The following C4orf51 variants were observed in gnomAD, a reference collection of about 807,000 sequenced individuals.
C4orf51 encodes the protein uncharacterized protein C4orf51.
Under a neutral mutation model 25.2 loss-of-function variants are expected in C4orf51, and 25 were observed. That is an observed-to-expected ratio of 0.99 (90% CI 0.72 to 1.39). The LOEUF is 1.39. Among genes scored for constraint, C4orf51 ranks in the 40% most tolerant of loss-of-function variants. The pLI is 0.00. For missense variants in C4orf51, 252 were observed against 239.6 expected (o/e 1.05, Z -0.34); for synonymous variants, 100 against 84.5 (o/e 1.18, Z -1.01).
chr4:145,697,062 C>A (rs35319795), intron 2 of C4orf51, among the ~76,000 whole-genome samples: 19,763 of 150,070 alleles, frequency 0.13, 1,364 homozygotes, highest in Admixed American at 0.2. Context: ...AACCAACCAA[C>A]CAAACAAACA....
intron 2 of C4orf51, among the ~76,000 whole-genome samples, chr4:145,725,039 G>A (rs1413519163): frequency 1.3e-5 from 2 of 151,816 alleles, no homozygotes; most frequent in South Asian, 2.1e-4. Context: ...GGGGGAAAGG[G>A]TGGGAGGGGG....
At chr4:145,781,977 C>T in the C4orf51 span, among the ~76,000 whole-genome samples, 1 of 152,210 alleles carries the variant, frequency 6.6e-6, no homozygotes, top group Non-Finnish European at 1.5e-5. Context: ...CATGAACTGT[C>T]TGATTCCGTC....
At chr4:145,754,037 G>A (rs1285944659) in intron 1 of C4orf51, among the ~76,000 whole-genome samples, 1 of 152,194 alleles carries the variant, frequency 6.6e-6, no homozygotes, top group African/African-American at 2.4e-5. Flanking sequence ...AAGAGTAGGG[G>A]GCCAGGAGTG....
chr4:145,703,378 C>T (rs144452663), intron 2 of C4orf51, among the ~76,000 whole-genome samples: 1,816 of 152,092 alleles, frequency 0.012, 31 homozygotes, highest in African/African-American at 0.04. Context: ...TCCTATAAAA[C>T]GGCCCCACCC....
chr4:145,680,391 G>T lies in C4orf51; in HGVS notation c.188G>T (p.Ser63Ile). ...AAACAACTGGACAAGTCCATGTGCA[G>T]CCAATTTTCTTTTAGAGCAGGACAG... ...RKKQLDKSMC[S>I]QFSFRAGQHE... is the part of the protein sequence containing the mutation. Residue 63 changes from serine (S) to isoleucine (I), a missense_variant, in exon 1 of 6, where the codon AGC becomes ATC. Ser to Ile is a moderately radical substitution (Grantham distance 142). Coordinates refer to ENST00000438731, the MANE Select transcript of C4orf51 (RefSeq NM_001080531.3). The T allele has an allele frequency of 6.2e-7, 1 of 1,613,968 alleles. No homozygotes were observed. Among genetic ancestry groups the T allele is most frequent in the South Asian group, 1.1e-5 (1 of 91,072 alleles).
At chr4:145,740,459 C>G (rs1391596992) in intron 1 of C4orf51, among the ~76,000 whole-genome samples, 2 of 152,132 alleles carry the variant, frequency 1.3e-5, no homozygotes, top group Non-Finnish European at 2.9e-5. Flanking sequence ...TTATGTTAAA[C>G]AGTTAATGCT....
At chr4:145,696,415 A>G in intron 1 of C4orf51, 144 bp from the exon 2 acceptor site, 1 of 690,044 alleles carries the variant, frequency 1.4e-6, no homozygotes, top group Non-Finnish European at 2.5e-6. Context: ...GAGTTTATCT[A>G]AATAACAAAC....
downstream of C4orf51, among the ~76,000 whole-genome samples, chr4:145,774,337 T>G (rs1361361633): frequency 6.6e-6 from 1 of 152,048 alleles, no homozygotes; most frequent in Admixed American, 6.5e-5. Flanking sequence ...CAGGAAACAG[T>G]ATTATGACTA....
intron 2 of C4orf51, among the ~76,000 whole-genome samples, chr4:145,721,969 C>T (rs965321867): frequency 2.0e-5 from 3 of 152,126 alleles, no homozygotes; most frequent in African/African-American, 4.8e-5. Flanking sequence ...TGGGATGCTC[C>T]TTGGTGATTT....
intron 1 of C4orf51, among the ~76,000 whole-genome samples, chr4:145,766,059 T>A (rs1306473165): frequency 6.6e-6 from 1 of 152,206 alleles, no homozygotes; most frequent in Non-Finnish European, 1.5e-5. Context: ...CTTTAAATTA[T>A]CTCATTTTGT....
At chr4:145,744,717 G>A (rs1218780965) in intron 1 of C4orf51, among the ~76,000 whole-genome samples, 1 of 152,146 alleles carries the variant, frequency 6.6e-6, no homozygotes, top group African/African-American at 2.4e-5. Context: ...GCCAGGTGTA[G>A]TGGCAGGCGC....
rs1273300352 is a variant in C4orf51, at chr4:145,696,000, G to A, written c.234-559G>A. 2.0e-5 allele frequency among the ~76,000 whole-genome samples: 3 copies of A among 152,350 alleles called. No individual in the cohort carries two copies. The South Asian group carries it at 6.2e-4, about 32-fold the overall frequency. On this transcript the variant is annotated intron_variant, in intron 1 of 5. Transcript: ENST00000438731. ...CATAAAGAAGGAAACAACATGGCCA[G>A]GCGCAGTGGCTCATGCCTGTAATCC...
At chr4:145,693,082 G>C (rs1358104289) in intron 1 of C4orf51, among the ~76,000 whole-genome samples, 1 of 144,772 alleles carries the variant, frequency 6.9e-6, no homozygotes, top group Non-Finnish European at 1.5e-5. Context: ...TCTCACAGAG[G>C]GGTATTTGGC....
rs960824945 is a variant in C4orf51, at chr4:145,762,804, T to A, written n.167-8184T>A. On this transcript the variant is annotated intron_variant and non_coding_transcript_variant, in intron 1 of 1. Transcript: ENST00000510096. This position sits in a 1 kb window ranked among gnomAD's most constrained non-coding sequence, Gnocchi z 4.9. The stretch of plus-strand genomic sequence containing the variant: ...GAGTCAGTGGCTTATATGAGAACTG[T>A]AGTGTGTTTGCTCTCTTTCCACAAA... Among the ~76,000 whole-genome samples, 2 of 152,166 alleles carry A rather than the reference T, an allele frequency of 1.3e-5. No homozygotes were observed. Among genetic ancestry groups the A allele is most frequent in the African/African-American group, 2.4e-5 (1 of 41,430 alleles).
intron 1 of C4orf51, among the ~76,000 whole-genome samples, chr4:145,692,058 C>G (rs1729610564): frequency 6.6e-6 from 1 of 152,156 alleles, no homozygotes; most frequent in Non-Finnish European, 1.5e-5. Flanking sequence ...TATTGTAGAC[C>G]TAGCAATTCT....
intron 1 of C4orf51, chr4:145,759,936 G>A (rs562020943): frequency 1.3e-5 from 2 of 152,228 alleles, no homozygotes; most frequent in East Asian, 3.9e-4. Context: ...ATGATGCACT[G>A]TGTGTGTGCA....
chr4:145,747,688 C>A (rs1350802474), intron 1 of C4orf51, among the ~76,000 whole-genome samples: 1 of 132,900 alleles, frequency 7.5e-6, no homozygotes, highest in Non-Finnish European at 1.6e-5. Context: ...CTCCCTCCCT[C>A]CCTTCCTTCC....
chr4:145,765,802 G>A lies in C4orf51; in HGVS notation n.167-5186G>A. 2 of 1,521,278 alleles carry A rather than the reference G, an allele frequency of 1.3e-6. No homozygotes were observed. Among genetic ancestry groups the A allele is most frequent in the Non-Finnish European group, 1.8e-6 (2 of 1,119,584 alleles). The allele number at this position is 1,521,278 out of a possible 1,614,324, so 94.2% of individuals were successfully genotyped here. ...GAAAATCCTCAGAATTATAGCAACT[G>A]AGGGTGACGAGTTGAGTCTCATGGA... is the stretch of plus-strand genomic sequence containing the variant. On this transcript the variant is annotated intron_variant and non_coding_transcript_variant, in intron 1 of 1. Transcript: ENST00000510096. This position sits in a 1 kb window ranked among gnomAD's most constrained non-coding sequence, Gnocchi z 4.7.
At chr4:145,703,865 A>G (rs1247807765) in intron 2 of C4orf51, among the ~76,000 whole-genome samples, 1 of 152,192 alleles carries the variant, frequency 6.6e-6, no homozygotes, top group East Asian at 1.9e-4. Flanking sequence ...CTGCTGTGGG[A>G]GCCATAGGCT....
Sources: gnomAD v4.1 joint callset for allele counts (sites outside exome capture counted in the v4.1 genomes callset) on GRCh38, gnomAD v4.1.1 for gene constraint, Gnocchi (gnomAD v3.1) non-coding constraint, MANE v1.5 for transcripts, NCBI Gene and HGNC (gene_info 2026-07-23, HGNC 2026-07-21) for gene names.